BAZ2B: variants seen among roughly 807,000 people sequenced by gnomAD.
BAZ2B encodes bromodomain adjacent to zinc finger domain protein 2B.
BAZ2B carries 91 observed loss-of-function variants against 246.0 expected under a neutral mutation model. That is an observed-to-expected ratio of 0.37 (90% CI 0.31 to 0.44). The LOEUF (loss-of-function observed/expected upper bound fraction) is 0.44, where lower values mean the gene tolerates loss of function less well. BAZ2B is among the 20% of genes least tolerant of loss of function. The probability of loss-of-function intolerance (pLI) is 1.00; values close to 1 mark genes in which losing one functional copy is unlikely to be tolerated. For missense variants in BAZ2B, 2,332 were observed against 2,533.7 expected, an observed-to-expected ratio of 0.92 and a Z score of 1.71; for synonymous variants, 855 against 860.0, an observed-to-expected ratio of 0.99 and a Z score of 0.10.
the BAZ2B span, among the ~76,000 whole-genome samples, chr2:159,681,068 T>A: frequency 6.6e-6 from 1 of 152,078 alleles, no homozygotes; most frequent in Non-Finnish European, 1.5e-5. Context: ...GGAAAAAACT[T>A]CAAAATTTCC....
chr2:159,508,537 A>C (rs1315949010), intron 2 of BAZ2B, among the ~76,000 whole-genome samples: 1 of 152,150 alleles, frequency 6.6e-6, no homozygotes, highest in Non-Finnish European at 1.5e-5. Context: ...TAAACACCCT[A>C]TAATCTCATT....
Position 159,324,908 on chromosome 2 carries a change from G to C in BAZ2B, c.6256C>G (p.Leu2086Val), listed in dbSNP as rs1226362424. Residue 2086 changes from leucine (L) to valine (V), a missense_variant, in exon 36 of 37, where the codon CTA (leucine) becomes GTA (valine). This residue lies in a region of BAZ2B where 210 missense variants were observed against 232.5 expected (regional missense o/e 0.90). Coordinates refer to ENST00000392783, the MANE Select transcript of BAZ2B (RefSeq NM_013450.4). ...METHEDAWPF[L>V]LPVNLKLVPG... is the part of the protein sequence containing the mutation. ...ACAAGTTTCAAGTTTACAGGAAGTA[G>C]AAAAGGCCATGCATCCTCATGAGTT... 6.4e-7 allele frequency: 1 copy of C among 1,559,324 alleles called. No homozygotes were observed. The highest frequency in any genetic ancestry group is 8.6e-7 in the Non-Finnish European group (1 of 1,160,820).
chr2:159,463,092 G>C (rs1164958125), intron 3 of BAZ2B: 12 of 699,606 alleles, frequency 1.7e-5, no homozygotes, highest in Non-Finnish European at 2.9e-5. Flanking sequence ...TGTTATAATG[G>C]GCAAATGCAC....
intron 2 of BAZ2B, among the ~76,000 whole-genome samples, chr2:159,496,192 G>C (rs2081111108): frequency 1.3e-5 from 2 of 149,470 alleles, no homozygotes; most frequent in Non-Finnish European, 3.0e-5. Context: ...TGGCCAACAT[G>C]GTGAAACCCC....
chr2:159,705,994 G>A, the BAZ2B span, among the ~76,000 whole-genome samples: 4 of 150,812 alleles, frequency 2.7e-5, no homozygotes, highest in Admixed American at 2.7e-4. Context: ...AAAAAAGTTA[G>A]ATGAAGATGC....
chr2:159,422,846 A>G (rs2069011923), intron 13 of BAZ2B, among the ~76,000 whole-genome samples: 1 of 152,186 alleles, frequency 6.6e-6, no homozygotes, highest in Non-Finnish European at 1.5e-5. Flanking sequence ...TCTGTAAGAA[A>G]CTTAATTCAA....
chr2:159,487,708 C>G (rs953158566), intron 2 of BAZ2B, among the ~76,000 whole-genome samples: 1 of 150,952 alleles, frequency 6.6e-6, no homozygotes, highest in Non-Finnish European at 1.5e-5. Context: ...CAAGTTTCAA[C>G]AAGAGAAGCA....
intron 27 of BAZ2B, among the ~76,000 whole-genome samples, chr2:159,362,978 G>C (rs1486638851): frequency 6.6e-6 from 1 of 152,166 alleles, no homozygotes; most frequent in Non-Finnish European, 1.5e-5. Flanking sequence ...ACAGGAGCCT[G>C]AGTGAGAACA....
rs1488139273 is a variant in BAZ2B, at chr2:159,616,242, C to T, written c.-46G>A. ...TCACGCCCGAGGATTTTAAACTCAC[C>T]TTTACTCTCGAACTGAGAGTTGCGG... On this transcript the variant is annotated splice_region_variant and 5_prime_UTR_variant, in exon 1 of 37. Coordinates refer to ENST00000392783, the MANE Select transcript of BAZ2B (RefSeq NM_013450.4). The T allele has an allele frequency of 6.6e-6, 1 of 152,236 alleles. No individual in the cohort carries two copies. Among genetic ancestry groups the T allele is most frequent in the African/African-American group, 2.4e-5 (1 of 41,454 alleles). The allele number at this position is 152,236 out of a possible 1,614,324, so 9.4% of individuals were successfully genotyped here. A position where few individuals can be genotyped will look rare whatever the true frequency, so the allele number is the denominator to read the frequency against.
chr2:159,396,788 A>C (rs767665912), intron 19 of BAZ2B, among the ~76,000 whole-genome samples: 29 of 152,142 alleles, frequency 1.9e-4, no homozygotes, highest in Non-Finnish European at 3.7e-4. Flanking sequence ...GGTCATAATT[A>C]TATCTAATTG....
chr2:159,360,133 G>A (rs1049937836), intron 27 of BAZ2B, among the ~76,000 whole-genome samples: 1 of 152,130 alleles, frequency 6.6e-6, no homozygotes, highest in African/African-American at 2.4e-5. Context: ...ATGAAATAAA[G>A]GTCATTCAAA....
chr2:159,472,482 C>A (rs963256403), intron 3 of BAZ2B, among the ~76,000 whole-genome samples: 1 of 152,228 alleles, frequency 6.6e-6, no homozygotes, highest in Non-Finnish European at 1.5e-5. Context: ...TTCTTTCTTT[C>A]TCTTGCCTGA....
rs1383701803 is a variant in BAZ2B at position 159,386,574 on chromosome 2, C to G, written c.3250G>C (p.Val1084Leu). 1.9e-6 allele frequency: 3 copies of G among 1,612,526 alleles called. No individual in the cohort carries two copies. The Admixed American group carries it at 5.0e-5, about 27-fold the overall frequency. Residue 1084 changes from valine (V) to leucine (L), a missense_variant, in exon 22 of 37, where the codon GTT (valine) becomes CTT (leucine). Val to Leu is a conservative substitution (Grantham distance 32). Coordinates refer to ENST00000392783, the MANE Select transcript of BAZ2B (RefSeq NM_013450.4). ...TCTGAAAATGTACTTCCAGAGAGAA[C>G]AAGTCCTGGAATACGAGGCAACTCT... Reference protein sequence around the residue: ...LPELPRIPGLVLSGSTFSDCL... With the variant: ...LPELPRIPGLLLSGSTFSDCL...
At chr2:159,445,116 G>A (rs2074040980) in intron 6 of BAZ2B, among the ~76,000 whole-genome samples, 1 of 152,258 alleles carries the variant, frequency 6.6e-6, no homozygotes, top group Admixed American at 6.5e-5. Flanking sequence ...TAATGTGGAA[G>A]AGGGAATCCA....
the BAZ2B span, among the ~76,000 whole-genome samples, chr2:159,645,040 C>T: frequency 0.46 from 69,404 of 152,002 alleles, 16,711 homozygotes; most frequent in Middle Eastern, 0.64. Flanking sequence ...TTTGAGAGCC[C>T]AAGGCAGGTG....
At chr2:159,611,827 A>AT (rs1694777344) in intron 1 of BAZ2B, among the ~76,000 whole-genome samples, 1 of 151,984 alleles carries the variant, frequency 6.6e-6, no homozygotes, top group African/African-American at 2.4e-5. Flanking sequence ...ATTTACATGA[A>AT]TTTTTTAATG....
intron 2 of BAZ2B, among the ~76,000 whole-genome samples, chr2:159,481,878 T>C (rs960991026): frequency 7.9e-5 from 12 of 151,666 alleles, no homozygotes; most frequent in African/African-American, 2.9e-4. Context: ...CACAACTAAA[T>C]GTGATGTGGG....
At chr2:159,605,061 G>C (rs775265764) in intron 1 of BAZ2B, among the ~76,000 whole-genome samples, 33 of 152,016 alleles carry the variant, frequency 2.2e-4, no homozygotes, top group Non-Finnish European at 4.1e-4. Context: ...ACAGAGACAG[G>C]ATCTCACTCT....
rs1449068918 is a variant in BAZ2B, at chr2:159,462,570, TA to T, written c.146-8770del. The T allele has an allele frequency of 4.5e-5, 40 of 882,708 alleles. No individual in the cohort carries two copies. The Middle Eastern group carries it at 6.3e-3, about 138-fold the overall frequency. 54.7% of individuals were successfully genotyped at this position (882,708 alleles called of 1,614,324 possible). A position where few individuals can be genotyped will look rare whatever the true frequency, so the allele number is the denominator to read the frequency against. On this transcript the variant is annotated intron_variant, in intron 3 of 36. Coordinates refer to ENST00000392783, the MANE Select transcript of BAZ2B (RefSeq NM_013450.4). ...TTTTCTGCATTCTCTATGATTTTAA[TA>T]AACTCCTTGGCAGTTTGTGCGTCAT...
Sources: allele counts gnomAD v4.1 joint callset (sites outside exome capture counted in the v4.1 genomes callset), GRCh38; gene constraint gnomAD v4.1.1; regional missense constraint gnomAD v4.1.1; transcripts MANE v1.5; gene names NCBI Gene and HGNC (gene_info 2026-07-23, HGNC 2026-07-21).